The following SSH2 variants were observed in gnomAD, a reference collection of about 807,000 sequenced individuals.
SSH2 encodes the protein slingshot protein phosphatase 2, also known as protein phosphatase Slingshot homolog 2.
Under a neutral mutation model 135.2 loss-of-function variants are expected in SSH2, and 37 were observed. The ratio of observed to expected loss-of-function variants is 0.27; its 90% CI spans 0.21 to 0.36. The LOEUF is 0.36. Among genes scored for constraint, SSH2 ranks in the 10% least tolerant of loss-of-function variants. The pLI is 1.00. For synonymous variants in SSH2, 628 were observed against 646.2 expected, an observed-to-expected ratio of 0.97 and a Z score of 0.43; for missense variants, 1,408 against 1,765.3, an observed-to-expected ratio of 0.80 and a Z score of 3.63.
At chr17:29,640,197 G>C (rs2036093384) in intron 14 of SSH2, among the ~76,000 whole-genome samples, 1 of 151,780 alleles carries the variant, frequency 6.6e-6, no homozygotes, top group Admixed American at 6.6e-5. Context: ...TCCTGCCTCA[G>C]CCTCCTGAGT....
intron 3 of SSH2, among the ~76,000 whole-genome samples, chr17:29,764,715 A>C (rs2041404525): frequency 1.3e-5 from 2 of 152,232 alleles, no homozygotes; most frequent in South Asian, 4.1e-4. Flanking sequence ...TGAATATTCT[A>C]AAATGTTGGC....
intron 1 of SSH2, among the ~76,000 whole-genome samples, chr17:29,903,058 C>T (rs183662406): frequency 9.2e-4 from 139 of 151,722 alleles, no homozygotes; most frequent in African/African-American, 2.8e-3. Context: ...TGGTGCCGGG[C>T]GCCTGTAGTC....
intron 12 of SSH2, among the ~76,000 whole-genome samples, chr17:29,655,264 T>C (rs896717250): frequency 3.3e-5 from 5 of 151,986 alleles, no homozygotes; most frequent in African/African-American, 1.2e-4. Flanking sequence ...CCACCATGCC[T>C]GGCTAATTTT....
intron 1 of SSH2, among the ~76,000 whole-genome samples, chr17:29,894,436 A>G (rs1599154664): frequency 6.6e-6 from 1 of 152,074 alleles, no homozygotes; most frequent in African/African-American, 2.4e-5. Context: ...CTGTTATAAC[A>G]TGGCATAGTA....
chr17:29,697,369 G>A (rs2038799751), intron 4 of SSH2, among the ~76,000 whole-genome samples: 1 of 152,094 alleles, frequency 6.6e-6, no homozygotes, highest in Admixed American at 6.6e-5. Flanking sequence ...TTAACTAATA[G>A]CTGTTAATTA....
At chr17:29,805,390 C>T (rs1047122756) in intron 2 of SSH2, among the ~76,000 whole-genome samples, 1 of 151,918 alleles carries the variant, frequency 6.6e-6, no homozygotes, top group South Asian at 2.1e-4. Flanking sequence ...CTCCTGACCT[C>T]GTGATCCGCT....
chr17:29,669,393 G>T (rs950174369), intron 9 of SSH2, among the ~76,000 whole-genome samples: 6 of 152,172 alleles, frequency 3.9e-5, no homozygotes, highest in Non-Finnish European at 7.3e-5. Flanking sequence ...CCTTTCCTTA[G>T]ATTTCAAAAT....
chr17:29,797,659 G>A (rs958455794), intron 2 of SSH2, among the ~76,000 whole-genome samples: 1 of 152,196 alleles, frequency 6.6e-6, no homozygotes, highest in Non-Finnish European at 1.5e-5. Context: ...CACTTTGGGA[G>A]GCTGACGCAG....
At chr17:29,685,650 G>A (rs1263957611) in intron 5 of SSH2, among the ~76,000 whole-genome samples, 1 of 151,628 alleles carries the variant, frequency 6.6e-6, no homozygotes, top group Non-Finnish European at 1.5e-5. Flanking sequence ...TTAGCTGGGC[G>A]TGGTGGCGCA....
chr17:29,846,740 T>G (rs939310129), intron 2 of SSH2, among the ~76,000 whole-genome samples: 1 of 152,204 alleles, frequency 6.6e-6, no homozygotes, highest in Admixed American at 6.5e-5. Context: ...CCAGCCTAAG[T>G]GCAGGTAGTA....
At chr17:29,862,933 G>A (rs2065789348) in intron 1 of SSH2, among the ~76,000 whole-genome samples, 2 of 152,222 alleles carry the variant, frequency 1.3e-5, no homozygotes. Context: ...CCCCACTGAA[G>A]TAGGAGATCC....
At chr17:29,700,464 T>C (rs2038931082) in intron 4 of SSH2, among the ~76,000 whole-genome samples, 1 of 152,196 alleles carries the variant, frequency 6.6e-6, no homozygotes, top group African/African-American at 2.4e-5. Flanking sequence ...TGTTCCTGAT[T>C]TTAGAGAAAT....
Position 29,648,127 on chromosome 17 carries a change from G to C in SSH2, c.1427+17C>G. The C allele has an allele frequency of 6.2e-7, 1 of 1,612,042 alleles. No individual in the cohort carries two copies. The highest frequency in any genetic ancestry group is 8.5e-7 in the Non-Finnish European group (1 of 1,179,008). On this transcript the variant is annotated intron_variant, in intron 14 of 15. Coordinates refer to ENST00000540801, the MANE Select transcript of SSH2 (RefSeq NM_001282129.2). ...GAACTTAAAAGGAGGGAGAATTGGA[G>C]AAAGTCACTGACTCACCTTGCCAGC... is the stretch of plus-strand genomic sequence containing the variant.
intron 1 of SSH2, among the ~76,000 whole-genome samples, chr17:29,926,364 C>T (rs1252923302): frequency 6.6e-6 from 1 of 151,132 alleles, no homozygotes. Flanking sequence ...CATGGCGAAA[C>T]CCCATCTCTA....
chr17:29,762,439 G>C (rs778399541), intron 3 of SSH2, among the ~76,000 whole-genome samples: 21 of 152,150 alleles, frequency 1.4e-4, no homozygotes, highest in Non-Finnish European at 2.4e-4. Context: ...AAGCTCCCCA[G>C]GTGATTCCAA....
intron 2 of SSH2, among the ~76,000 whole-genome samples, chr17:29,821,780 G>T (rs949618799): frequency 5.3e-5 from 8 of 151,864 alleles, no homozygotes; most frequent in African/African-American, 1.7e-4. Context: ...AGTAGCTGGG[G>T]CTACAGGCAC....
chr17:29,841,256 A>G (rs1047460426), intron 2 of SSH2, among the ~76,000 whole-genome samples: 1 of 152,230 alleles, frequency 6.6e-6, no homozygotes, highest in Non-Finnish European at 1.5e-5. Context: ...ATTGTTATAC[A>G]TAAAAGCACA....
At chr17:29,741,530 G>A (rs2040552873) in intron 3 of SSH2, among the ~76,000 whole-genome samples, 1 of 151,944 alleles carries the variant, frequency 6.6e-6, no homozygotes, top group African/African-American at 2.4e-5. Context: ...AATGCATTTG[G>A]GGACAATGGC....
At chr17:29,633,495 C>T (rs2035775491) in intron 15 of SSH2, among the ~76,000 whole-genome samples, 1 of 152,198 alleles carries the variant, frequency 6.6e-6, no homozygotes, top group African/African-American at 2.4e-5. Flanking sequence ...CTAGCTTTCA[C>T]CCAAATCCTC....
Sources: allele counts gnomAD v4.1 joint callset (sites outside exome capture counted in the v4.1 genomes callset), GRCh38; gene constraint gnomAD v4.1.1; transcripts MANE v1.5; gene names NCBI Gene and HGNC (gene_info 2026-07-23, HGNC 2026-07-21).